The following ATG2A variants were observed in gnomAD, a reference collection of about 807,000 sequenced individuals.
ATG2A encodes the protein autophagy related 2A, also known as autophagy-related protein 2 homolog A.
In ATG2A, 103 loss-of-function variants were observed where a neutral mutation model predicts 214.2. The observed-to-expected ratio is 0.48, with a 90% CI of 0.41 to 0.57. The LOEUF (loss-of-function observed/expected upper bound fraction) is 0.57. ATG2A is among the 20% of genes least tolerant of loss of function. The pLI is 0.00. For missense variants in ATG2A, 2,312 were observed against 2,613.2 expected, an observed-to-expected ratio of 0.88 and a Z score of 2.51; for synonymous variants, 1,160 against 1,142.1, an observed-to-expected ratio of 1.02 and a Z score of -0.32.
At position 64,914,172 on chromosome 11, in the gene ATG2A, G is replaced by A; in HGVS notation, c.396C>T (p.Ala132=). ...ASCMTTSLQL[A]QECLRDGLPE... is the part of the protein sequence containing the mutation. Reference sequence around the variant, plus strand: ...GTAGCCCATCCCGCAGACACTCCTGGGCCAGCTGCAGGCTTGTGGTCATGC... The same window carrying A: ...GTAGCCCATCCCGCAGACACTCCTGAGCCAGCTGCAGGCTTGTGGTCATGC... The change falls in exon 3 of 41, where the codon GCC becomes GCT. Residue 132 remains alanine (A), a synonymous_variant. Coordinates refer to ENST00000377264, the MANE Select transcript of ATG2A (RefSeq NM_015104.3). 1 of 1,553,156 alleles carries A rather than the reference G, an allele frequency of 6.4e-7. No individual in the cohort carries two copies. The highest frequency in any genetic ancestry group is 8.7e-7 in the Non-Finnish European group (1 of 1,148,180).
In ATG2A at chr11:64,908,978, G is replaced by C. The variant is rs75977085; in HGVS notation, c.2364+13C>G. On this transcript the variant is annotated intron_variant, in intron 16 of 40. Coordinates refer to ENST00000377264, the MANE Select transcript of ATG2A (RefSeq NM_015104.3). Reference sequence around the variant, plus strand: ...GGGAGGGGGTCCTGGGAAGAGGTGGGGCCAAGTCTCACCTCCTCTGTCTCA... The same window carrying C: ...GGGAGGGGGTCCTGGGAAGAGGTGGCGCCAAGTCTCACCTCCTCTGTCTCA... 81,404 of 1,559,430 alleles carry C rather than the reference G, an allele frequency of 0.052. 3,394 individuals carry two copies. Among genetic ancestry groups the C allele is most frequent in the African/African-American group, 0.21 (15,138 of 73,654 alleles).
At chr11:64,897,999 G>C in intron 34 of ATG2A, 25 bp from the exon 35 acceptor site, 1 of 1,576,020 alleles carries the variant, frequency 6.3e-7, no homozygotes, top group Non-Finnish European at 8.6e-7. Flanking sequence ...GTCACAGACT[G>C]GGGATGGGGC....
intron 1 of ATG2A, among the ~76,000 whole-genome samples, chr11:64,915,444 T>C (rs1477848548): frequency 1.3e-5 from 2 of 152,002 alleles, no homozygotes; most frequent in Non-Finnish European, 2.9e-5. Flanking sequence ...TCACCCAGTA[T>C]ACAACAGGGA....
chr11:64,904,986 G>A (rs1944491622), intron 24 of ATG2A, among the ~76,000 whole-genome samples: 1 of 152,166 alleles, frequency 6.6e-6, no homozygotes, highest in Non-Finnish European at 1.5e-5. Context: ...CTCCCAAGTA[G>A]CTGGGACTAC....
In ATG2A at chr11:64,917,051, A is replaced by G; in HGVS notation, c.85T>C (p.Phe29Leu). The G allele has an allele frequency of 1.2e-6, 2 of 1,613,826 alleles. No individual in the cohort carries two copies. The highest frequency in any genetic ancestry group is 1.3e-5 in the African/African-American group (1 of 75,076). The change falls in exon 1 of 41, where the codon TTC becomes CTC. Residue 29 changes from phenylalanine (F) to leucine (L), a missense_variant. Transcript: ENST00000377264. ...YLLHHYLGHF[F>L]QEHLSLDQLS... ...TGGTCCAGGCTGAGGTGCTCTTGGAAGAAGTGACCTAAGTAGTGGTGCAGC... is the reference window on the plus strand; with the variant it reads ...TGGTCCAGGCTGAGGTGCTCTTGGAGGAAGTGACCTAAGTAGTGGTGCAGC...
At chr11:64,908,770 A>C (rs1212265414) in intron 16 of ATG2A, among the ~76,000 whole-genome samples, 2 of 152,064 alleles carry the variant, frequency 1.3e-5, no homozygotes, top group Non-Finnish European at 2.9e-5. Context: ...TCGAGGACCC[A>C]TGCTCCCCAG....
In ATG2A at chr11:64,894,731, G is replaced by A; in HGVS notation, c.*242C>T. The A allele has an allele frequency of 1.4e-6, 1 of 700,616 alleles. No homozygotes were observed. The highest frequency in any genetic ancestry group is 2.6e-6 in the Non-Finnish European group (1 of 384,864). The allele number at this position is 700,616 out of a possible 1,614,324, so 43.4% of individuals were successfully genotyped here. ...CGTCCTGGGAGAAGGCAGCAGTGTG[G>A]GCCCAGGTCGGGGGAGGGGCAGTGT... On this transcript the variant is annotated 3_prime_UTR_variant, in exon 41 of 41. Transcript: ENST00000377264.
rs1944902011 is a variant in ATG2A, at chr11:64,914,452, C to A, written c.220G>T (p.Glu74Ter). The change falls in exon 2 of 41, where the codon GAA becomes TAA. Residue 74 changes from glutamate (E) to a stop codon, truncating the protein, a stop_gained. Transcript: ENST00000377264. LOFTEE classifies it high-confidence loss of function. The stretch of plus-strand genomic sequence containing the variant: ...ACCTCGATGGAGCCCACGAAGCCTT[C>A]CACCAGCTCCAGCGGTGACTCCATT... ...ESMESPLELV[E>*]GFVGSIEVAV... 6.2e-7 allele frequency: 1 copy of A among 1,612,796 alleles called. No individual in the cohort carries two copies. Among genetic ancestry groups the A allele is most frequent in the African/African-American group, 1.3e-5 (1 of 74,922 alleles).
At chr11:64,901,930 C>T (rs762327151) in intron 29 of ATG2A, 32 bp downstream of exon 29, 21 of 1,605,514 alleles carry the variant, frequency 1.3e-5, no homozygotes, top group South Asian at 6.6e-5. Flanking sequence ...CCTGCCTGGA[C>T]GGCAAACTGG....
rs143404952 is a variant in ATG2A at position 64,901,976 on chromosome 11, C to A, written c.4105G>T (p.Gly1369Cys). The A allele has an allele frequency of 3.7e-6, 6 of 1,613,244 alleles. No homozygotes were observed. Among genetic ancestry groups the A allele is most frequent in the Non-Finnish European group, 4.2e-6 (5 of 1,180,016 alleles). ...CCACCACGCACCGGGATGCCCAGGC[C>A]GGGAGCATCAAGGATGCAGAACTCA... ...SDEFCILDAP[G>C]LGIPPRDGEP... Residue 1369 changes from glycine to cysteine, a missense_variant, in exon 29 of 41, where the codon GGC (glycine) becomes TGC (cysteine). By Grantham distance (159) the Gly-to-Cys change is radical. Transcript: ENST00000377264.
In ATG2A at chr11:64,906,653, C is replaced by G; in HGVS notation, c.2983+12G>C. 6.2e-7 allele frequency: 1 copy of G among 1,613,300 alleles called. No individual in the cohort carries two copies. The highest frequency in any genetic ancestry group is 8.5e-7 in the Non-Finnish European group (1 of 1,179,852). ...CTGGACCCCAGTGGTGACCTGCCCC[C>G]AGGCCTCACACCTCGGTGGTAGAGT... On this transcript the variant is annotated intron_variant, in intron 20 of 40. Coordinates refer to ENST00000377264, the MANE Select transcript of ATG2A (RefSeq NM_015104.3).
intron 22 of ATG2A, 125 bp downstream of exon 22, chr11:64,905,988 G>A (rs1444483108): frequency 4.3e-6 from 6 of 1,395,614 alleles, no homozygotes; most frequent in East Asian, 5.0e-5. Flanking sequence ...CAGGAGCTCC[G>A]GACAAGGTCA....
At chr11:64,912,016 G>C (rs763085430) in intron 8 of ATG2A, 34 bp from the exon 9 acceptor site, 3 of 1,613,440 alleles carry the variant, frequency 1.9e-6, no homozygotes, top group African/African-American at 1.3e-5. Flanking sequence ...AGGGACAGCC[G>C]ACCCCAGCCC....
At position 64,895,118 on chromosome 11, in the gene ATG2A, C is replaced by T. The variant is rs1477315197; in HGVS notation, c.5672G>A (p.Arg1891His). 9 of 1,612,844 alleles carry T rather than the reference C, an allele frequency of 5.6e-6. No homozygotes were observed. The highest frequency in any genetic ancestry group is 7.6e-6 in the Non-Finnish European group (9 of 1,179,802). ...CTTCACCACAGTCGGGGGCAGCTGG[C>T]GGATCACGCCCCCCACGGCGCCCGT... The part of the protein sequence containing the change: ...GLTGAVGGVI[R>H]QLPPTVVKPL... The change falls in exon 41 of 41, where the codon CGC becomes CAC. Residue 1891 changes from arginine (R) to histidine (H), a missense_variant. Transcript: ENST00000377264. This position sits in a 1 kb window ranked among gnomAD's most constrained non-coding sequence, Gnocchi z 5.0.
At position 64,900,549 on chromosome 11, in the gene ATG2A, G is replaced by C; in HGVS notation, c.4409C>G (p.Thr1470Arg). The change falls in exon 31 of 41, where the codon ACG becomes AGG. Residue 1470 changes from threonine (T) to arginine (R), a missense_variant. Thr to Arg is a moderately conservative substitution (Grantham distance 71). Coordinates refer to ENST00000377264, the MANE Select transcript of ATG2A (RefSeq NM_015104.3). Reference protein sequence around the residue: ...GPNRPQNSWRTQGGSGRQHHV... With the variant: ...GPNRPQNSWRRQGGSGRQHHV... ...GTGCTGCCGCCCGCTGCCCCCCTGC[G>C]TGCGCCATGAGTTCTGGGGCCGGTT... The C allele has an allele frequency of 6.2e-7, 1 of 1,613,320 alleles. No homozygotes were observed. The highest frequency in any genetic ancestry group is 8.5e-7 in the Non-Finnish European group (1 of 1,180,002).
chr11:64,896,858 A>G lies in ATG2A; in HGVS notation c.5162T>C (p.Val1721Ala), dbSNP rs1445847781. ...GAGGGCATAGCCCAGCACCTTGTCC[A>G]CACCCAGGAGCCTGGCAGGGCAGGG... The part of the protein sequence containing the change: ...RLCCRHGLLG[V>A]DKVLGYALNE... Residue 1721 changes from valine to alanine, a missense_variant, in exon 38 of 41, where the codon GTG becomes GCG. Val to Ala is a moderately conservative substitution (Grantham distance 64). Transcript: ENST00000377264. 6.2e-7 allele frequency: 1 copy of G among 1,613,858 alleles called. No individual in the cohort carries two copies. Among genetic ancestry groups the G allele is most frequent in the East Asian group, 2.2e-5 (1 of 44,872 alleles).
In ATG2A at chr11:64,895,622, C is replaced by T. The variant is rs1048795141; in HGVS notation, c.5428-180G>A. ...TCCCACTCTTCCTCCCCTTCCTAGG[C>T]ACCTGCCACTCTGCTGAGGGAACCT... On this transcript the variant is annotated intron_variant, in intron 39 of 40. Transcript: ENST00000377264. The surrounding 1 kb of genome is among the most constrained non-coding windows in gnomAD (Gnocchi z 5.0). Among the ~76,000 whole-genome samples, 1 of 152,150 alleles carries T rather than the reference C, an allele frequency of 6.6e-6. No individual in the cohort carries two copies.
chr11:64,911,019 C>T lies in ATG2A; in HGVS notation c.1466+19G>A. The T allele has an allele frequency of 1.2e-6, 2 of 1,613,856 alleles. No individual in the cohort carries two copies. The highest frequency in any genetic ancestry group is 1.7e-6 in the Non-Finnish European group (2 of 1,180,028). On this transcript the variant is annotated intron_variant, in intron 10 of 40. Transcript: ENST00000377264. The stretch of plus-strand genomic sequence containing the variant: ...GGGCTCTGATGGTCTCTCCTCAGGC[C>T]CTGGCCTCGGGCTTATACCGAACAT...
Position 64,903,305 on chromosome 11 carries a change from T to C in ATG2A, c.3595A>G (p.Ser1199Gly). 1 of 1,613,962 alleles carries C rather than the reference T, an allele frequency of 6.2e-7. No homozygotes were observed. Reference sequence around the variant, plus strand: ...TCACTCACCAGTTTGCCCTCGGTGCTCCCTTTCCAGGTTTTAATCACAAGT... The same window carrying C: ...TCACTCACCAGTTTGCCCTCGGTGCCCCCTTTCCAGGTTTTAATCACAAGT... ...LELVIKTWKG[S>G]TEGKLSQPLF... The change falls in exon 26 of 41, where the codon AGC (serine) becomes GGC (glycine). Residue 1199 changes from serine (S) to glycine (G), a missense_variant. Ser to Gly is a moderately conservative substitution (Grantham distance 56). Coordinates refer to ENST00000377264, the MANE Select transcript of ATG2A (RefSeq NM_015104.3). The surrounding 1 kb of genome is among the most constrained non-coding windows in gnomAD (Gnocchi z 4.2).
Sources: allele counts gnomAD v4.1 joint callset (sites outside exome capture counted in the v4.1 genomes callset), GRCh38; gene constraint gnomAD v4.1.1; non-coding constraint Gnocchi (gnomAD v3.1); transcripts MANE v1.5; gene names NCBI Gene and HGNC (gene_info 2026-07-23, HGNC 2026-07-21).